SCAPER: variants seen among roughly 807,000 people sequenced by gnomAD.
SCAPER encodes the protein S phase cyclin A-associated protein in the endoplasmic reticulum.
Under a neutral mutation model 182.2 loss-of-function variants are expected in SCAPER, and 98 were observed. That is an observed-to-expected ratio of 0.54 (90% CI 0.46 to 0.64). The LOEUF is 0.64. Ranked by LOEUF, SCAPER falls within the 30% of genes least tolerant of loss-of-function variation. The pLI, the probability that SCAPER is intolerant of heterozygous loss-of-function variation, is 0.00. For synonymous variants in SCAPER, 605 were observed against 564.6 expected (o/e 1.07, Z -1.01); for missense variants, 1,432 against 1,690.0 (o/e 0.85, Z 2.68).
chr15:76,372,006 T>C (rs1158675208), intron 29 of SCAPER, among the ~76,000 whole-genome samples: 2 of 152,196 alleles, frequency 1.3e-5, no homozygotes, highest in Non-Finnish European at 2.9e-5. Flanking sequence ...ATCTTTTCTA[T>C]CAGCTTCTTA....
intron 8 of SCAPER, among the ~76,000 whole-genome samples, chr15:76,781,567 A>AACC (rs1379563966): frequency 1.3e-5 from 2 of 152,158 alleles, no homozygotes; most frequent in African/African-American, 4.8e-5. Context: ...TGAGAAGAGA[A>AACC]ACCCCAAGAC....
At chr15:76,687,951 T>A (rs2058123912) in intron 20 of SCAPER, among the ~76,000 whole-genome samples, 1 of 152,246 alleles carries the variant, frequency 6.6e-6, no homozygotes, top group African/African-American at 2.4e-5. Context: ...TTTGGGTATA[T>A]ACCCAGTAAT....
At chr15:76,723,801 T>G (rs1392535390) in intron 17 of SCAPER, among the ~76,000 whole-genome samples, 1 of 152,226 alleles carries the variant, frequency 6.6e-6, no homozygotes, top group Non-Finnish European at 1.5e-5. Context: ...ATCCCTTTTT[T>G]GTGAGCCTAT....
intron 5 of SCAPER, among the ~76,000 whole-genome samples, chr15:76,818,158 T>TG (rs1274515644): frequency 6.6e-6 from 1 of 152,168 alleles, no homozygotes; most frequent in African/African-American, 2.4e-5. Context: ...TATAATCAAC[T>TG]GATCTTTGAC....
chr15:76,692,797 G>GA lies in SCAPER; in HGVS notation c.2508+8960dup, dbSNP rs796449986. On this transcript the variant is annotated intron_variant, in intron 20 of 31. Transcript: ENST00000563290. ...AAAATTCCAAGAAAGAGGTAAAAAG[G>GA]AAAAAAAAAGTCAAATAATGGACAT... 6.0e-4 allele frequency among the ~76,000 whole-genome samples: 86 copies of GA among 142,620 alleles called. 1 individual carries two copies. Among genetic ancestry groups the GA allele is most frequent in the African/African-American group, 1.9e-3 (75 of 38,892 alleles). 93.6% of individuals were successfully genotyped at this position (142,620 alleles called of 152,430 possible).
At chr15:76,747,747 A>G (rs924468751) in intron 15 of SCAPER, among the ~76,000 whole-genome samples, 2 of 152,072 alleles carry the variant, frequency 1.3e-5, no homozygotes, top group Admixed American at 6.6e-5. Context: ...TGATCTGCAC[A>G]TGCTGGCTCT....
chr15:76,371,230 T>C (rs1025690621), intron 29 of SCAPER, among the ~76,000 whole-genome samples: 2 of 152,154 alleles, frequency 1.3e-5, no homozygotes, highest in Non-Finnish European at 2.9e-5. Flanking sequence ...AAAGTGCTAC[T>C]GAGGTTCAAG....
chr15:76,701,366 G>T (rs1485413478), intron 20 of SCAPER, among the ~76,000 whole-genome samples: 1 of 141,924 alleles, frequency 7.0e-6, no homozygotes, highest in Non-Finnish European at 1.6e-5. Context: ...TATGTGTGAA[G>T]AAATAATGAA....
At chr15:76,425,609 C>T (rs548161508) in intron 26 of SCAPER, among the ~76,000 whole-genome samples, 1 of 152,312 alleles carries the variant, frequency 6.6e-6, no homozygotes, top group South Asian at 2.1e-4. Flanking sequence ...GCCTTCTTCT[C>T]TCAACTTGTT....
At chr15:76,873,996 G>A (rs536184118) in intron 2 of SCAPER, among the ~76,000 whole-genome samples, 5 of 151,838 alleles carry the variant, frequency 3.3e-5, no homozygotes, top group East Asian at 1.9e-4. Context: ...GGGTTCCAGC[G>A]ATTCTCCTGC....
At chr15:76,448,698 GTC>G (rs1354793327) in intron 25 of SCAPER, among the ~76,000 whole-genome samples, 2 of 152,180 alleles carry the variant, frequency 1.3e-5, no homozygotes, top group East Asian at 3.8e-4. Context: ...CAGGAGGAAA[GTC>G]CAGAGGGAGA....
At chr15:76,694,805 C>T (rs2058566291) in intron 20 of SCAPER, among the ~76,000 whole-genome samples, 1 of 152,008 alleles carries the variant, frequency 6.6e-6, no homozygotes, top group Admixed American at 6.6e-5. Flanking sequence ...ACAAATTTAA[C>T]TATGTACTTT....
chr15:76,875,922 G>GTC lies in SCAPER; in HGVS notation c.6+7889_6+7890insGA, dbSNP rs1238395971. Among the ~76,000 whole-genome samples, 118 of 152,076 alleles carry GTC rather than the reference G, an allele frequency of 7.8e-4. 1 individual carries two copies. The South Asian group carries it at 0.01, about 13-fold the overall frequency. ...TCGGGCCGCGCAGGACCCCACGGTG[G>GTC]GGGGCGGGGTCAGGCTCAGGCATGG... On this transcript the variant is annotated intron_variant, in intron 2 of 31. Transcript: ENST00000563290.
chr15:76,483,454 T>C (rs1046335000), intron 24 of SCAPER, among the ~76,000 whole-genome samples: 3 of 152,114 alleles, frequency 2.0e-5, no homozygotes, highest in African/African-American at 7.2e-5. Flanking sequence ...TGAGTTTTCA[T>C]ATACAATATC....
At chr15:76,703,036 A>T in intron 18 of SCAPER, 34 bp from the exon 19 acceptor site, 1 of 1,512,396 alleles carries the variant, frequency 6.6e-7, no homozygotes, top group Middle Eastern at 1.8e-4. Context: ...GAATTTCAAA[A>T]ATTATTCAAA....
In SCAPER at chr15:76,471,223, G is replaced by GT. The variant is rs775907469; in HGVS notation, c.3066dup (p.His1023ThrfsTer10). ...ATAATATTACATACCGTCAACTGGT[G>GT]TATCAGGAGGTCCATTAAGAAGGTA... On this transcript the variant is annotated frameshift_variant, in exon 25 of 32. Coordinates refer to ENST00000563290, the MANE Select transcript of SCAPER (RefSeq NM_020843.4). LOFTEE classifies it high-confidence loss of function. 6.2e-7 allele frequency: 1 copy of GT among 1,608,284 alleles called. No homozygotes were observed. The highest frequency in any genetic ancestry group is 1.3e-5 in the African/African-American group (1 of 74,656).
intron 2 of SCAPER, among the ~76,000 whole-genome samples, chr15:76,872,650 TCTA>T (rs2072809713): frequency 6.6e-6 from 1 of 151,528 alleles, no homozygotes; most frequent in African/African-American, 2.4e-5. Flanking sequence ...AAACCTACCT[TCTA>T]CTATTATACT....
chr15:76,624,626 T>C (rs1407303622), intron 21 of SCAPER, among the ~76,000 whole-genome samples: 2 of 152,216 alleles, frequency 1.3e-5, no homozygotes, highest in African/African-American at 4.8e-5. Context: ...GCATCAGTGG[T>C]GTCTGTGATT....
At chr15:76,667,226 C>A (rs1480238102) in intron 20 of SCAPER, among the ~76,000 whole-genome samples, 1 of 152,130 alleles carries the variant, frequency 6.6e-6, no homozygotes, top group Non-Finnish European at 1.5e-5. Context: ...CTGTTTCTTG[C>A]AACCTTAGTC....
Sources: gnomAD v4.1 joint callset for allele counts (sites outside exome capture counted in the v4.1 genomes callset) on GRCh38, gnomAD v4.1.1 for gene constraint, MANE v1.5 for transcripts, NCBI Gene and HGNC (gene_info 2026-07-23, HGNC 2026-07-21) for gene names.